Variants in PCDHA8 observed in about 807,000 individuals in gnomAD.
PCDHA8 encodes the protein protocadherin alpha 8.
A neutral mutation model predicts 61.8 loss-of-function variants in PCDHA8; 53 were observed. That is an observed-to-expected ratio of 0.86 (90% CI 0.69 to 1.08). PCDHA8 has a LOEUF of 1.08. Among genes scored for constraint, PCDHA8 ranks in the 50% least tolerant of loss-of-function variants. The pLI, the probability that PCDHA8 is intolerant of heterozygous loss-of-function variation, is 0.00. For synonymous variants in PCDHA8, 618 were observed against 556.6 expected (o/e 1.11, Z -1.55); for missense variants, 1,293 against 1,245.0 (o/e 1.04, Z -0.58).
chr5:140,920,360 C>T (rs1049389066), intron 1 of PCDHA8, among the ~76,000 whole-genome samples: 2 of 151,950 alleles, frequency 1.3e-5, no homozygotes, highest in Non-Finnish European at 2.9e-5. Context: ...TAGTTCTATT[C>T]ATTTATTCTT....
intron 3 of PCDHA8, among the ~76,000 whole-genome samples, chr5:140,982,785 G>A (rs1037904724): frequency 2.0e-5 from 3 of 151,236 alleles, no homozygotes; most frequent in African/African-American, 4.9e-5. Flanking sequence ...GTGTGTGCAC[G>A]CATGTGTGCA....
chr5:140,875,151 A>G (rs1219163731), intron 1 of PCDHA8, among the ~76,000 whole-genome samples: 1 of 152,220 alleles, frequency 6.6e-6, no homozygotes, highest in Non-Finnish European at 1.5e-5. Flanking sequence ...ATGATCCGTG[A>G]AAAATAACCC....
At chr5:140,856,471 A>G (rs782438318) in intron 1 of PCDHA8, 6 of 1,597,856 alleles carry the variant, frequency 3.8e-6, no homozygotes, top group South Asian at 2.2e-5. Flanking sequence ...AGCTCTCAAT[A>G]CCTGAATCCA....
At chr5:140,966,845 C>A in intron 1 of PCDHA8, 1 of 1,570,444 alleles carries the variant, frequency 6.4e-7, no homozygotes, top group Non-Finnish European at 8.6e-7. Flanking sequence ...GCTGCTACTG[C>A]CTCTCCTGCT....
intron 1 of PCDHA8, among the ~76,000 whole-genome samples, chr5:140,911,647 G>A (rs1554194849): frequency 2.0e-5 from 3 of 152,160 alleles, no homozygotes; most frequent in African/African-American, 7.2e-5. Flanking sequence ...ATTACATATA[G>A]AGTTACTAAA....
rs2098422801 is a variant in PCDHA8, at chr5:141,012,055, C to T, written c.*2118C>T. On this transcript the variant is annotated 3_prime_UTR_variant, in exon 4 of 4. Coordinates refer to ENST00000531613, the MANE Select transcript of PCDHA8 (RefSeq NM_018911.3). ...GGATTGCATGGGGTAAAACTTGTTA[C>T]CAACACATGTGAACCATTGCTACAT... The T allele has an allele frequency of 6.5e-6, 1 of 153,666 alleles. No individual in the cohort carries two copies. Among genetic ancestry groups the T allele is most frequent in the African/African-American group, 2.4e-5 (1 of 41,404 alleles). 9.5% of individuals were successfully genotyped at this position (153,666 alleles called of 1,614,324 possible).
chr5:140,890,192 T>G (rs2062533503), intron 1 of PCDHA8, among the ~76,000 whole-genome samples: 1 of 151,744 alleles, frequency 6.6e-6, no homozygotes, highest in South Asian at 2.1e-4. Flanking sequence ...CAAAACAGAG[T>G]TTTTTGTTTT....
chr5:140,906,023 G>A (rs952070346), intron 1 of PCDHA8, among the ~76,000 whole-genome samples: 7 of 152,128 alleles, frequency 4.6e-5, no homozygotes, highest in Admixed American at 3.3e-4. Flanking sequence ...ATCTCTCCAC[G>A]TTCTTCTGTC....
intron 1 of PCDHA8, chr5:140,968,646 C>T (rs2153772882): frequency 6.2e-7 from 1 of 1,614,216 alleles, no homozygotes; most frequent in Non-Finnish European, 8.5e-7. Context: ...CTAGCCCAGA[C>T]TTCTGACCTG....
intron 1 of PCDHA8, chr5:140,882,538 C>A: frequency 6.2e-7 from 1 of 1,614,170 alleles, no homozygotes; most frequent in Non-Finnish European, 8.5e-7. Context: ...ATTCTCGGAT[C>A]GACCGCGAGG....
At chr5:140,903,351 A>G (rs2070226814) in intron 1 of PCDHA8, among the ~76,000 whole-genome samples, 1 of 152,236 alleles carries the variant, frequency 6.6e-6, no homozygotes, top group Non-Finnish European at 1.5e-5. Context: ...TTTAAAAAAC[A>G]AGTTTTTCAA....
chr5:140,918,429 G>A (rs2078693094), intron 1 of PCDHA8, among the ~76,000 whole-genome samples: 1 of 152,164 alleles, frequency 6.6e-6, no homozygotes, highest in Non-Finnish European at 1.5e-5. Flanking sequence ...GTAGGATGTT[G>A]AATAGGAGTG....
At chr5:140,968,598 A>G in intron 1 of PCDHA8, 2 of 1,614,102 alleles carry the variant, frequency 1.2e-6, no homozygotes, top group Non-Finnish European at 1.7e-6. Flanking sequence ...ATAGCTATGG[A>G]CTCAGACTCT....
chr5:140,853,897 G>A, intron 1 of PCDHA8: 2 of 967,612 alleles, frequency 2.1e-6, no homozygotes, highest in Non-Finnish European at 2.5e-6. Context: ...AAAAGATGTG[G>A]TGGCCTGACA....
At chr5:140,858,042 T>C in intron 1 of PCDHA8, 1 of 1,597,284 alleles carries the variant, frequency 6.3e-7, no homozygotes, top group Non-Finnish European at 8.6e-7. Context: ...GCCACTGTGC[T>C]TGTGTCGCTT....
chr5:140,858,159 C>T lies in PCDHA8; in HGVS notation c.2394+14444C>T, dbSNP rs782574934. The T allele has an allele frequency of 3.8e-6, 6 of 1,597,644 alleles. No homozygotes were observed. In the Admixed American group the frequency reaches 5.1e-5, roughly 13 times the overall value. On this transcript the variant is annotated intron_variant, in intron 1 of 3. Coordinates refer to ENST00000531613, the MANE Select transcript of PCDHA8 (RefSeq NM_018911.3). ...GTGTACCTGATCATCGCCATCTGCG[C>T]GGTGTCCAGCTTGCTGGTGCTCACG...
At chr5:140,994,451 C>T (rs782287082) in intron 3 of PCDHA8, among the ~76,000 whole-genome samples, 14 of 152,116 alleles carry the variant, frequency 9.2e-5, no homozygotes, top group Non-Finnish European at 1.6e-4. Flanking sequence ...ACCTGTGATC[C>T]CAGCACTTTG....
intron 1 of PCDHA8, among the ~76,000 whole-genome samples, chr5:140,947,921 C>A (rs1327858146): frequency 6.6e-6 from 1 of 151,536 alleles, no homozygotes; most frequent in African/African-American, 2.4e-5. Context: ...CTTGCCTTAA[C>A]CCTGATCTTA....
chr5:140,972,218 C>A (rs367920234), intron 1 of PCDHA8, among the ~76,000 whole-genome samples: 129 of 152,040 alleles, frequency 8.5e-4, no homozygotes, highest in Middle Eastern at 3.4e-3. Flanking sequence ...TGGCTCACTG[C>A]AGCCTCGACC....
Sources: gnomAD v4.1 joint callset for allele counts (sites outside exome capture counted in the v4.1 genomes callset) on GRCh38, gnomAD v4.1.1 for gene constraint, MANE v1.5 for transcripts, NCBI Gene and HGNC (gene_info 2026-07-23, HGNC 2026-07-21) for gene names.